Variants in IL1RL2 observed in about 807,000 individuals in gnomAD.
IL1RL2 encodes interleukin-1 receptor-like 2.
IL1RL2 carries 68 observed loss-of-function variants against 66.8 expected under a neutral mutation model. That is an observed-to-expected ratio of 1.02 (90% CI 0.84 to 1.25). The LOEUF is 1.25. Among genes scored for constraint, IL1RL2 ranks in the 50% most tolerant of loss-of-function variants. IL1RL2 has a pLI of 0.00. For missense variants in IL1RL2, 729 were observed against 709.3 expected (o/e 1.03, Z -0.32); for synonymous variants, 305 against 264.6 (o/e 1.15, Z -1.48).
At chr2:102,196,608 T>C (rs1247303696) in intron 4 of IL1RL2, among the ~76,000 whole-genome samples, 1 of 152,112 alleles carries the variant, frequency 6.6e-6, no homozygotes, top group East Asian at 1.9e-4. Context: ...GAGGTGAACA[T>C]AAAGAAAGCA....
chr2:102,231,890 G>A (rs1021812189), intron 9 of IL1RL2, among the ~76,000 whole-genome samples: 1 of 152,216 alleles, frequency 6.6e-6, no homozygotes. Context: ...TCACTGGTGG[G>A]CCTGAATCAA....
intron 4 of IL1RL2, among the ~76,000 whole-genome samples, chr2:102,195,627 T>TTCTTTC (rs1559530270): frequency 3.4e-3 from 49 of 14,586 alleles, no homozygotes; most frequent in Admixed American, 6.6e-3. Flanking sequence ...CTTTCTTTCT[T>TTCTTTC]TCTCTCTCTC....
chr2:102,208,298 A>G (rs1436721536), intron 5 of IL1RL2, among the ~76,000 whole-genome samples: 1 of 152,212 alleles, frequency 6.6e-6, no homozygotes, highest in Non-Finnish European at 1.5e-5. Context: ...CTATTCTGCC[A>G]TCTTGTTCCA....
intron 5 of IL1RL2, among the ~76,000 whole-genome samples, chr2:102,211,455 G>A (rs1243354361): frequency 2.6e-5 from 4 of 152,110 alleles, no homozygotes; most frequent in Non-Finnish European, 5.9e-5. Context: ...GTTGGAGGAG[G>A]AAGAGGAAAA....
chr2:102,212,063 G>A, intron 5 of IL1RL2, 37 bp from the exon 6 acceptor site: 1 of 1,485,534 alleles, frequency 6.7e-7, no homozygotes, highest in Non-Finnish European at 9.4e-7. Context: ...TATCATACGT[G>A]ATTCTAATGC....
intron 9 of IL1RL2, among the ~76,000 whole-genome samples, chr2:102,227,650 C>T (rs1037685483): frequency 2.0e-5 from 3 of 152,112 alleles, no homozygotes; most frequent in Admixed American, 6.5e-5. Context: ...CTCCTGCTTG[C>T]GTCTTTGAGA....
At chr2:102,203,466 A>G (rs1688444638) in intron 5 of IL1RL2, among the ~76,000 whole-genome samples, 1 of 151,790 alleles carries the variant, frequency 6.6e-6, no homozygotes, top group African/African-American at 2.4e-5. Flanking sequence ...CAGGATTGGT[A>G]TTAGTTCTTC....
intron 5 of IL1RL2, among the ~76,000 whole-genome samples, chr2:102,208,773 T>C (rs1444604700): frequency 6.6e-6 from 1 of 152,280 alleles, no homozygotes; most frequent in East Asian, 1.9e-4. Context: ...TCCTCCTATG[T>C]TCTTTGCAGC....
chr2:102,224,847 A>G (rs943247271), intron 8 of IL1RL2, among the ~76,000 whole-genome samples: 1 of 152,300 alleles, frequency 6.6e-6, no homozygotes, highest in Admixed American at 6.5e-5. Context: ...CCCTATAAAT[A>G]TGTGCAACTA....
chr2:102,240,942 C>T (rs111439856), downstream of IL1RL2, among the ~76,000 whole-genome samples: 35 of 152,384 alleles, frequency 2.3e-4, no homozygotes, highest in Non-Finnish European at 3.5e-4. Context: ...ACAGGACAAA[C>T]AAGGTCACGC....
At chr2:102,197,035 A>G (rs901630377) in intron 4 of IL1RL2, among the ~76,000 whole-genome samples, 1 of 152,200 alleles carries the variant, frequency 6.6e-6, no homozygotes, top group Admixed American at 6.5e-5. Flanking sequence ...TTCATTTCAG[A>G]AAGTTATAAA....
intron 6 of IL1RL2, among the ~76,000 whole-genome samples, chr2:102,213,111 T>C (rs1689320651): frequency 6.6e-6 from 1 of 152,196 alleles, no homozygotes; most frequent in East Asian, 1.9e-4. Context: ...TCAAACTATA[T>C]AATGCTAAAA....
chr2:102,195,621 CTTTCT>C (rs1201431194), intron 4 of IL1RL2, among the ~76,000 whole-genome samples: 1 of 17,554 alleles, frequency 5.7e-5, no homozygotes, highest in African/African-American at 1.4e-4. Flanking sequence ...TTCTTTCTTT[CTTTCT>C]TTCTCTCTCT....
chr2:102,225,296 C>G (rs74877962), intron 8 of IL1RL2, among the ~76,000 whole-genome samples: 2 of 152,208 alleles, frequency 1.3e-5, no homozygotes, highest in Non-Finnish European at 1.5e-5. Flanking sequence ...CTGTGCCTCT[C>G]GCACAGGCAC....
At chr2:102,203,412 T>C (rs1039084044) in intron 5 of IL1RL2, among the ~76,000 whole-genome samples, 1 of 151,932 alleles carries the variant, frequency 6.6e-6, no homozygotes, top group Non-Finnish European at 1.5e-5. Context: ...ATAAAATGAA[T>C]TTGGTAGTAT....
rs376450303 is a variant in IL1RL2, at chr2:102,219,960, C to T, written c.934C>T (p.Leu312Phe). 1.9e-6 allele frequency: 3 copies of T among 1,613,870 alleles called. No homozygotes were observed. Among genetic ancestry groups the T allele is most frequent in the Non-Finnish European group, 1.7e-6 (2 of 1,179,866 alleles). The part of the protein sequence containing the change: ...FLEVKMEDYG[L>F]PFMCHAGVST... ...GGAAGTGAAAATGGAAGATTATGGC[C>T]TTCCTTTCATGTGCCACGCTGGAGT... Residue 312 changes from leucine to phenylalanine, a missense_variant, in exon 8 of 12, where the codon CTT becomes TTT. Coordinates refer to ENST00000264257, the MANE Select transcript of IL1RL2 (RefSeq NM_003854.4).
chr2:102,187,963 G>C, intron 2 of IL1RL2, 38 bp downstream of exon 2: 1 of 1,589,904 alleles, frequency 6.3e-7, no homozygotes, highest in Non-Finnish European at 8.6e-7. Flanking sequence ...GAGGCTGCCC[G>C]AGTCCACAGG....
At position 102,199,662 on chromosome 2, in the gene IL1RL2, C is replaced by T. The variant is rs191112541; in HGVS notation, c.490-1894C>T. ...AGAGGTAGTCTAAGTTATAGCAAAG[C>T]GACAGAATGGCCCTCAGCTGCAAGG... is the stretch of plus-strand genomic sequence containing the variant. On this transcript the variant is annotated intron_variant, in intron 4 of 11. Transcript: ENST00000264257. Among the ~76,000 whole-genome samples, 53 of 152,162 alleles carry T rather than the reference C, an allele frequency of 3.5e-4. 2 individuals carry two copies. Among genetic ancestry groups the T allele is most frequent in the African/African-American group, 8.4e-4 (35 of 41,508 alleles).
At chr2:102,218,858 G>T in intron 6 of IL1RL2, 95 bp from the exon 7 acceptor site, 1 of 1,068,016 alleles carries the variant, frequency 9.4e-7, no homozygotes, top group South Asian at 1.4e-5. Context: ...AGGTATTCGA[G>T]GCTCGAGAGT....
Sources: gnomAD v4.1 joint callset for allele counts (sites outside exome capture counted in the v4.1 genomes callset) on GRCh38, gnomAD v4.1.1 for gene constraint, MANE v1.5 for transcripts, NCBI Gene and HGNC (gene_info 2026-07-23, HGNC 2026-07-21) for gene names.